The following LARS2 variants were observed in gnomAD, a reference collection of about 807,000 sequenced individuals.
LARS2 encodes the protein leucine--tRNA ligase, mitochondrial.
LARS2 carries 81 observed loss-of-function variants against 116.6 expected under a neutral mutation model. The ratio of observed to expected loss-of-function variants is 0.69; its 90% CI spans 0.58 to 0.84. The LOEUF is 0.84. Among genes scored for constraint, LARS2 ranks in the 40% least tolerant of loss-of-function variants. The pLI, the probability that LARS2 is intolerant of heterozygous loss-of-function variation, is 0.00. For missense variants in LARS2, 968 were observed against 1,114.5 expected, an observed-to-expected ratio of 0.87 and a Z score of 1.87; for synonymous variants, 396 against 407.2, an observed-to-expected ratio of 0.97 and a Z score of 0.33.
chr3:45,523,633 C>A (rs948208301), intron 19 of LARS2, among the ~76,000 whole-genome samples: 2 of 151,490 alleles, frequency 1.3e-5, no homozygotes, highest in Admixed American at 6.6e-5. Flanking sequence ...CTTAAGTGAT[C>A]CTCCCACTTC....
intron 20 of LARS2, among the ~76,000 whole-genome samples, chr3:45,531,278 T>C (rs982797472): frequency 6.6e-6 from 1 of 152,210 alleles, no homozygotes; most frequent in Non-Finnish European, 1.5e-5. Flanking sequence ...ATTAATCTAA[T>C]AGATTAATCC....
chr3:45,506,669 C>A (rs1466429392), intron 15 of LARS2, among the ~76,000 whole-genome samples: 1 of 152,040 alleles, frequency 6.6e-6, no homozygotes, highest in East Asian at 1.9e-4. Context: ...TGTCCATGTT[C>A]AGTGGTGCCC....
intron 8 of LARS2, among the ~76,000 whole-genome samples, chr3:45,467,066 G>A (rs1434681327): frequency 2.6e-5 from 4 of 152,116 alleles, no homozygotes; most frequent in African/African-American, 9.7e-5. Flanking sequence ...GGCACAAATG[G>A]CCAGGTAATG....
At chr3:45,423,445 T>C (rs1698545717) in intron 6 of LARS2, among the ~76,000 whole-genome samples, 1 of 152,212 alleles carries the variant, frequency 6.6e-6, no homozygotes, top group South Asian at 2.1e-4. Flanking sequence ...CCTCAGTAGC[T>C]GGGATTACAG....
chr3:45,510,000 A>G (rs1200324998), intron 15 of LARS2, among the ~76,000 whole-genome samples: 1 of 151,878 alleles, frequency 6.6e-6, no homozygotes, highest in East Asian at 1.9e-4. Context: ...TCCTACTCAC[A>G]TTATCCCCCA....
rs565244283 is a variant in LARS2 at position 45,426,308 on chromosome 3, A to G, written c.516+6579A>G. Reference sequence around the variant, plus strand: ...AGAATGCATGAAAACTCAGTGGGGAAGATTCCCTTTGCAAGAGCTAGCAGT... The same window carrying G: ...AGAATGCATGAAAACTCAGTGGGGAGGATTCCCTTTGCAAGAGCTAGCAGT... On this transcript the variant is annotated intron_variant, in intron 6 of 21. Transcript: ENST00000645846. Among the ~76,000 whole-genome samples the G allele has an allele frequency of 3.3e-5, 5 of 152,362 alleles. No individual in the cohort carries two copies. In the East Asian group the frequency reaches 9.6e-4, roughly 29 times the overall value.
intron 18 of LARS2, among the ~76,000 whole-genome samples, chr3:45,518,808 AT>A (rs1473548848): frequency 6.6e-6 from 1 of 152,128 alleles, no homozygotes; most frequent in Non-Finnish European, 1.5e-5. Context: ...AATGAACACA[AT>A]GATGCATGGC....
At chr3:45,473,392 G>GT (rs71617894) in intron 8 of LARS2, among the ~76,000 whole-genome samples, 45,554 of 148,024 alleles carry the variant, frequency 0.31, 7,111 homozygotes, top group Middle Eastern at 0.42. Context: ...TTTGTTTTTT[G>GT]TTTTTTTTTT....
At chr3:45,527,898 C>A (rs1394642859) in intron 20 of LARS2, among the ~76,000 whole-genome samples, 2 of 152,204 alleles carry the variant, frequency 1.3e-5, no homozygotes, top group African/African-American at 4.8e-5. Flanking sequence ...TAGCTATGCA[C>A]AACTGGTGAA....
chr3:45,494,141 A>G (rs1699970396), intron 13 of LARS2, among the ~76,000 whole-genome samples: 1 of 151,958 alleles, frequency 6.6e-6, no homozygotes, highest in Non-Finnish European at 1.5e-5. Context: ...AGAGACCACC[A>G]CTGTTCTCAT....
intron 4 of LARS2, among the ~76,000 whole-genome samples, chr3:45,415,891 AGG>A (rs775106105): frequency 0.27 from 25,463 of 95,348 alleles, 2,809 homozygotes; most frequent in African/African-American, 0.39. Context: ...AGAGAGAGAG[AGG>A]GAGAGAGAGA....
At chr3:45,546,368 C>T (rs537644635) in intron 21 of LARS2, among the ~76,000 whole-genome samples, 1 of 152,332 alleles carries the variant, frequency 6.6e-6, no homozygotes, top group South Asian at 2.1e-4. Flanking sequence ...CTTTAAAACG[C>T]TGCAGCATGG....
chr3:45,453,682 G>C (rs759984318), intron 7 of LARS2, among the ~76,000 whole-genome samples: 2 of 152,156 alleles, frequency 1.3e-5, no homozygotes, highest in African/African-American at 2.4e-5. Context: ...AATGGAGCAA[G>C]ATTGATTTTG....
Position 45,404,285 on chromosome 3 carries a change from T to C in LARS2, c.363+3912T>C, listed in dbSNP as rs142687548. On this transcript the variant is annotated intron_variant, in intron 4 of 21. Coordinates refer to ENST00000645846, the MANE Select transcript of LARS2 (RefSeq NM_015340.4). Reference sequence around the variant, plus strand: ...AGGTTCTCCTGAAATTAATTTCTTATTAATTTTCATAGTTCATATTTAAGT... The same window carrying C: ...AGGTTCTCCTGAAATTAATTTCTTACTAATTTTCATAGTTCATATTTAAGT... 8.3e-4 allele frequency among the ~76,000 whole-genome samples: 127 copies of C among 152,368 alleles called. 1 individual carries two copies. In the East Asian group the frequency reaches 0.018, roughly 22 times the overall value.
intron 21 of LARS2, among the ~76,000 whole-genome samples, chr3:45,543,469 TTA>T (rs1253667844): frequency 2.8e-5 from 4 of 140,414 alleles, no homozygotes; most frequent in African/African-American, 1.0e-4. Context: ...TTTTATTTTT[TTA>T]TTTTTTTTTT....
At chr3:45,390,093 A>C (rs569372466) in intron 1 of LARS2, among the ~76,000 whole-genome samples, 100 of 151,626 alleles carry the variant, frequency 6.6e-4, no homozygotes, top group Middle Eastern at 3.4e-3. Context: ...CCCACCCCCC[A>C]AAAAAAGGTG....
At chr3:45,497,315 C>A in intron 14 of LARS2, among the ~76,000 whole-genome samples, 2 of 149,976 alleles carry the variant, frequency 1.3e-5, no homozygotes, top group African/African-American at 4.9e-5. Flanking sequence ...AAAAAAGAAA[C>A]AAATTAAGGA....
rs141045345 is a variant in LARS2 at position 45,408,604 on chromosome 3, T to TTC, written c.363+8247_363+8248dup. Reference sequence around the variant, plus strand: ...AGGAGAAAGGGAGAGGCCAGAAAATTTCTCTCTCTCTCTCTCTGCCCTGGT... The same window carrying TTC: ...AGGAGAAAGGGAGAGGCCAGAAAATTTCTCTCTCTCTCTCTCTCTGCCCTGGT... On this transcript the variant is annotated intron_variant, in intron 4 of 21. Coordinates refer to ENST00000645846, the MANE Select transcript of LARS2 (RefSeq NM_015340.4). Among the ~76,000 whole-genome samples the TTC allele has an allele frequency of 1.9e-4, 29 of 150,386 alleles. 2 individuals are homozygous for TTC. The highest frequency in any genetic ancestry group is 1.2e-3 in the East Asian group (6 of 5,158).
At chr3:45,477,339 C>G (rs1699632809) in intron 10 of LARS2, among the ~76,000 whole-genome samples, 1 of 152,136 alleles carries the variant, frequency 6.6e-6, no homozygotes, top group Non-Finnish European at 1.5e-5. Context: ...GAGTGCAGCC[C>G]CAAGAGTTTG....
Sources: allele counts gnomAD v4.1 joint callset (sites outside exome capture counted in the v4.1 genomes callset), GRCh38; gene constraint gnomAD v4.1.1; transcripts MANE v1.5; gene names NCBI Gene and HGNC (gene_info 2026-07-23, HGNC 2026-07-21).